HACE1: variants seen among roughly 807,000 people sequenced by gnomAD.
HACE1 encodes E3 ubiquitin-protein ligase HACE1.
Under a neutral mutation model 118.4 loss-of-function variants are expected in HACE1, and 73 were observed. That is an observed-to-expected ratio of 0.62 (90% CI 0.51 to 0.75). HACE1 has a LOEUF of 0.75. Ranked by LOEUF, HACE1 falls within the 30% of genes least tolerant of loss-of-function variation. HACE1 has a pLI of 0.00. For synonymous variants in HACE1, 368 were observed against 374.8 expected (o/e 0.98, Z 0.21); for missense variants, 749 against 1,102.2 (o/e 0.68, Z 4.54).
chr6:104,852,955 T>C (rs1177706702), intron 1 of HACE1, among the ~76,000 whole-genome samples: 1 of 152,230 alleles, frequency 6.6e-6, no homozygotes, highest in African/African-American at 2.4e-5. Flanking sequence ...TTCATTGTAC[T>C]TACCACTTTA....
chr6:104,787,536 GA>G, intron 11 of HACE1: 1 of 152,238 alleles, frequency 6.6e-6, no homozygotes, highest in East Asian at 1.9e-4. Flanking sequence ...ATGAACTTCT[GA>G]AATGGAAAGA....
intron 17 of HACE1, among the ~76,000 whole-genome samples, chr6:104,776,082 G>A (rs956725327): frequency 3.3e-5 from 5 of 152,150 alleles, no homozygotes; most frequent in Admixed American, 1.3e-4. Flanking sequence ...AGCAAATTAC[G>A]ACTCTATAGG....
chr6:104,823,193 C>G (rs868238700), intron 6 of HACE1, among the ~76,000 whole-genome samples: 1 of 152,164 alleles, frequency 6.6e-6, no homozygotes, highest in South Asian at 2.1e-4. Flanking sequence ...AATCCCAGCA[C>G]TCTGGGAGGC....
At chr6:104,804,465 T>C (rs1199837881) in intron 7 of HACE1, among the ~76,000 whole-genome samples, 1 of 152,116 alleles carries the variant, frequency 6.6e-6, no homozygotes, top group Non-Finnish European at 1.5e-5. Flanking sequence ...CTTCAAACTA[T>C]ACTACAAGGC....
At chr6:104,788,427 T>G (rs11759010) in intron 11 of HACE1, among the ~76,000 whole-genome samples, 16,700 of 152,158 alleles carry the variant, frequency 0.11, 951 homozygotes, top group East Asian at 0.15. Context: ...TCGAGCTTAC[T>G]GAACGATTTT....
intron 3 of HACE1, among the ~76,000 whole-genome samples, chr6:104,850,132 T>C (rs1040964512): frequency 1.3e-5 from 2 of 151,640 alleles, no homozygotes; most frequent in East Asian, 1.9e-4. Context: ...GTATTTTTAG[T>C]AGAGATGGGG....
intron 17 of HACE1, among the ~76,000 whole-genome samples, chr6:104,776,402 G>C (rs1439816033): frequency 6.6e-6 from 1 of 152,120 alleles, no homozygotes; most frequent in Non-Finnish European, 1.5e-5. Flanking sequence ...AAAAAATGTA[G>C]ACTCAAGGAT....
intron 22 of HACE1, among the ~76,000 whole-genome samples, chr6:104,735,907 T>C (rs1472243044): frequency 1.3e-5 from 2 of 152,018 alleles, no homozygotes; most frequent in Non-Finnish European, 2.9e-5. Context: ...TAAAACTAGA[T>C]AGCCATTAAA....
chr6:104,812,244 C>G (rs1407158468), intron 6 of HACE1, among the ~76,000 whole-genome samples: 2 of 151,944 alleles, frequency 1.3e-5, no homozygotes, highest in Admixed American at 1.3e-4. Context: ...TAGTTTGAGA[C>G]CAGTTTAGTC....
chr6:104,760,665 C>G (rs1779248990), intron 19 of HACE1, among the ~76,000 whole-genome samples: 1 of 152,188 alleles, frequency 6.6e-6, no homozygotes, highest in Admixed American at 6.5e-5. Flanking sequence ...CTCACCACTC[C>G]TATTCAACAT....
intron 7 of HACE1, among the ~76,000 whole-genome samples, chr6:104,800,489 G>A (rs1770206383): frequency 6.6e-6 from 1 of 152,118 alleles, no homozygotes; most frequent in African/African-American, 2.4e-5. Context: ...CATATAGGCG[G>A]GTGCCCCTCT....
At chr6:104,841,165 A>G (rs949698003) in intron 5 of HACE1, among the ~76,000 whole-genome samples, 2 of 151,784 alleles carry the variant, frequency 1.3e-5, no homozygotes, top group Non-Finnish European at 2.9e-5. Flanking sequence ...AGGGAGTGGG[A>G]AGTTTGGAGG....
At chr6:104,762,123 T>C (rs1779424020) in intron 19 of HACE1, among the ~76,000 whole-genome samples, 1 of 152,314 alleles carries the variant, frequency 6.6e-6, no homozygotes, top group Non-Finnish European at 1.5e-5. Context: ...AGTTCAACCA[T>C]TGTGGAAGAC....
At chr6:104,843,579 T>G (rs1288851688) in intron 4 of HACE1, among the ~76,000 whole-genome samples, 1 of 152,212 alleles carries the variant, frequency 6.6e-6, no homozygotes, top group Non-Finnish European at 1.5e-5. Flanking sequence ...GTTTCTAGTA[T>G]TGACTAAGTT....
chr6:104,768,739 T>G (rs1780289122), intron 19 of HACE1, among the ~76,000 whole-genome samples: 1 of 152,042 alleles, frequency 6.6e-6, no homozygotes, highest in African/African-American at 2.4e-5. Flanking sequence ...ACCAAGCAAT[T>G]AAACAAAATG....
At chr6:104,797,097 A>C (rs1769739681) in intron 7 of HACE1, 72 bp from the exon 8 acceptor site, 1 of 828,582 alleles carries the variant, frequency 1.2e-6, no homozygotes, top group Non-Finnish European at 2.1e-6. Context: ...TGGATAGTTA[A>C]TATGAGTCAA....
At chr6:104,815,720 G>C (rs551651668) in intron 6 of HACE1, among the ~76,000 whole-genome samples, 1 of 138,264 alleles carries the variant, frequency 7.2e-6, no homozygotes, top group Admixed American at 7.1e-5. Flanking sequence ...GGCTTATTCT[G>C]AAAGCATTCA....
chr6:104,807,705 A>G lies in HACE1; in HGVS notation c.617+3606T>C, dbSNP rs572174835. Among the ~76,000 whole-genome samples, 115 of 147,512 alleles carry G rather than the reference A, an allele frequency of 7.8e-4. 2 individuals carry two copies. In the South Asian group the frequency reaches 0.016, roughly 20 times the overall value. ...AAAGGTGTGTAAAGATGGCAGGGGG[A>G]AAAAAAAATCAATGTGTGCCTATAT... On this transcript the variant is annotated intron_variant, in intron 7 of 23. Transcript: ENST00000262903.
At chr6:104,758,923 G>A (rs1448731925) in intron 19 of HACE1, among the ~76,000 whole-genome samples, 3 of 150,900 alleles carry the variant, frequency 2.0e-5, no homozygotes, top group East Asian at 3.9e-4. Flanking sequence ...TAAAACAGAC[G>A]TTAGACCAAA....
Sources: allele counts gnomAD v4.1 joint callset (sites outside exome capture counted in the v4.1 genomes callset), GRCh38; gene constraint gnomAD v4.1.1; transcripts MANE v1.5; gene names NCBI Gene and HGNC (gene_info 2026-07-23, HGNC 2026-07-21).